The following DIDO1 variants were observed in gnomAD, a reference collection of about 807,000 sequenced individuals.
The protein encoded by DIDO1 is death inducer-obliterator 1.
Under a neutral mutation model 99.4 loss-of-function variants are expected in DIDO1, and 16 were observed. That is an observed-to-expected ratio of 0.16 (90% CI 0.11 to 0.24). The LOEUF is 0.24. Among genes scored for constraint, DIDO1 ranks in the 10% least tolerant of loss-of-function variants. DIDO1 has a pLI of 1.00. For missense variants in DIDO1, 2,996 were observed against 3,014.0 expected (o/e 0.99, Z 0.14); for synonymous variants, 1,366 against 1,239.1 (o/e 1.10, Z -2.15).
chr20:62,901,090 C>T (rs374178908), intron 6 of DIDO1, among the ~76,000 whole-genome samples: 8 of 152,210 alleles, frequency 5.3e-5, no homozygotes, highest in African/African-American at 7.2e-5. Context: ...CACATGAATT[C>T]GCCTTTTATA....
chr20:62,894,865 G>A lies in DIDO1; in HGVS notation c.2381C>T (p.Pro794Leu). Residue 794 changes from proline to leucine, a missense_variant, in exon 10 of 16, where the codon CCC (proline) becomes CTC (leucine). By Grantham distance (98) the Pro-to-Leu change is moderately conservative. Transcript: ENST00000395343. The surrounding 1 kb of genome is among the most constrained non-coding windows in gnomAD (Gnocchi z 4.4). The part of the protein sequence containing the change: ...KLHNESKKTA[P>L]RQEAIPDLED... ...CAGATCGGGGATGGCCTCCTGCCTG[G>A]GGGCCGTCTTCTTGCTTTCATTGTG... is the stretch of plus-strand genomic sequence containing the variant. 3 of 1,614,106 alleles carry A rather than the reference G, an allele frequency of 1.9e-6. No individual in the cohort carries two copies. Among genetic ancestry groups the A allele is most frequent in the Non-Finnish European group, 2.5e-6 (3 of 1,180,028 alleles).
At chr20:62,893,212 G>A (rs35559722) in intron 12 of DIDO1, among the ~76,000 whole-genome samples, 15,451 of 152,178 alleles carry the variant, frequency 0.1, 1,047 homozygotes, top group East Asian at 0.2. Flanking sequence ...TTTTTGTAGA[G>A]ATGGAGTTTT....
chr20:62,878,888 T>G lies in DIDO1; in HGVS notation c.*345A>C. 3 of 188,242 alleles carry G rather than the reference T, an allele frequency of 1.6e-5. No homozygotes were observed. Among genetic ancestry groups the G allele is most frequent in the Non-Finnish European group, 2.2e-5 (2 of 92,680 alleles). 11.7% of individuals were successfully genotyped at this position (188,242 alleles called of 1,614,324 possible). A position where few individuals can be genotyped will look rare whatever the true frequency, so the allele number is the denominator to read the frequency against. ...AGCAGCTTTTGGAAACACAAACGGA[T>G]GAGATGTCAGTGAAGGTATGGCTCT... is the stretch of plus-strand genomic sequence containing the variant. On this transcript the variant is annotated 3_prime_UTR_variant, in exon 16 of 16. Coordinates refer to ENST00000395343, the MANE Select transcript of DIDO1 (RefSeq NM_001193369.2).
Position 62,878,181 on chromosome 20 carries a change from T to G in DIDO1, c.*1052A>C, listed in dbSNP as rs1233168161. The G allele has an allele frequency of 6.6e-6, 1 of 152,250 alleles. No homozygotes were observed. Among genetic ancestry groups the G allele is most frequent in the East Asian group, 1.9e-4 (1 of 5,208 alleles). The allele number at this position is 152,250 out of a possible 1,614,324, so 9.4% of individuals were successfully genotyped here. ...AAGTTTATGAAAATATAAAAAATTA[T>G]CAAAGTGTATTTGTACAAATAAATT... On this transcript the variant is annotated 3_prime_UTR_variant, in exon 16 of 16. Coordinates refer to ENST00000395343, the MANE Select transcript of DIDO1 (RefSeq NM_001193369.2).
intron 15 of DIDO1, chr20:62,890,363 G>A: frequency 2.0e-6 from 2 of 986,678 alleles, no homozygotes; most frequent in African/African-American, 1.7e-5. Flanking sequence ...CCTTGACAAA[G>A]ATGTATTTTA....
At chr20:62,928,595 G>C (rs1477366027), upstream of DIDO1, 1 of 152,214 alleles carries the variant, frequency 6.6e-6, no homozygotes, top group Non-Finnish European at 1.5e-5. Context: ...CTGGGTATTT[G>C]AATTTGAACT....
rs1363923474 is a variant in DIDO1, at chr20:62,894,865, G to C, written c.2381C>G (p.Pro794Arg). 2 of 1,614,106 alleles carry C rather than the reference G, an allele frequency of 1.2e-6. No individual in the cohort carries two copies. The change falls in exon 10 of 16, where the codon CCC (proline) becomes CGC (arginine). Residue 794 changes from proline (P) to arginine (R), a missense_variant. Around this residue, in one of 5 missense-constraint regions of DIDO1, gnomAD observed 898 missense variants for 972.7 expected, o/e 0.92. Coordinates refer to ENST00000395343, the MANE Select transcript of DIDO1 (RefSeq NM_001193369.2). This position sits in a 1 kb window ranked among gnomAD's most constrained non-coding sequence, Gnocchi z 4.4. ...CAGATCGGGGATGGCCTCCTGCCTGGGGGCCGTCTTCTTGCTTTCATTGTG... is the reference window on the plus strand; with the variant it reads ...CAGATCGGGGATGGCCTCCTGCCTGCGGGCCGTCTTCTTGCTTTCATTGTG... Reference protein sequence around the residue: ...KLHNESKKTAPRQEAIPDLED... With the variant: ...KLHNESKKTARRQEAIPDLED...
At chr20:62,908,153 AT>A (rs1004782656) in intron 4 of DIDO1, among the ~76,000 whole-genome samples, 2 of 151,604 alleles carry the variant, frequency 1.3e-5, no homozygotes, top group Non-Finnish European at 2.9e-5. Flanking sequence ...CTCATTATTT[AT>A]TTTTTTGTAG....
At chr20:62,907,589 G>A (rs983598312) in intron 4 of DIDO1, among the ~76,000 whole-genome samples, 1 of 152,244 alleles carries the variant, frequency 6.6e-6, no homozygotes, top group Non-Finnish European at 1.5e-5. Flanking sequence ...GGAGTGTGAG[G>A]AGACCCCTGG....
At position 62,879,604 on chromosome 20, in the gene DIDO1, C is replaced by T. The variant is rs747678975; in HGVS notation, c.6352G>A (p.Glu2118Lys). ...TCTCGGCTCCAGTTTCGGCCGCGCT[C>T]GCGCTCTCTCCTCCTGTCCTCGGAC... ...RASEDRRRERERGRNWSRERD... is the reference protein window; with the variant it reads ...RASEDRRRERKRGRNWSRERD... The change falls in exon 16 of 16, where the codon GAG (glutamate) becomes AAG (lysine). Residue 2118 changes from glutamate to lysine, a missense_variant. Glu to Lys is a moderately conservative substitution (Grantham distance 56). Around this residue, in one of 5 missense-constraint regions of DIDO1, gnomAD observed 1,562 missense variants for 1,412.6 expected, o/e 1.11. Coordinates refer to ENST00000395343, the MANE Select transcript of DIDO1 (RefSeq NM_001193369.2). This position sits in a 1 kb window ranked among gnomAD's most constrained non-coding sequence, Gnocchi z 6.3. The T allele has an allele frequency of 5.0e-6, 8 of 1,603,900 alleles. No individual in the cohort carries two copies. The highest frequency in any genetic ancestry group is 2.7e-5 in the African/African-American group (2 of 74,906).
chr20:62,880,302 G>C lies in DIDO1; in HGVS notation c.5654C>G (p.Ala1885Gly). 6 of 1,612,772 alleles carry C rather than the reference G, an allele frequency of 3.7e-6. No homozygotes were observed. Among genetic ancestry groups the C allele is most frequent in the Non-Finnish European group, 4.2e-6 (5 of 1,179,966 alleles). ...QAPFLGSRGG[A>G]PFQFGGQRRP... ...TCTCTGGCCTCCGAACTGGAAAGGC[G>C]CGCCGCCTCTGCTTCCCAGAAATGG... Residue 1885 changes from alanine to glycine, a missense_variant, in exon 16 of 16, where the codon GCG becomes GGG. Ala to Gly is a moderately conservative substitution (Grantham distance 60). This residue lies in a region of DIDO1 where 1,562 missense variants were observed against 1,412.6 expected (regional missense o/e 1.11). Coordinates refer to ENST00000395343, the MANE Select transcript of DIDO1 (RefSeq NM_001193369.2).
At chr20:62,924,930 G>C (rs2065224716) in intron 1 of DIDO1, among the ~76,000 whole-genome samples, 1 of 152,204 alleles carries the variant, frequency 6.6e-6, no homozygotes, top group African/African-American at 2.4e-5. Context: ...GGTATCTTAT[G>C]AAACTTGCTG....
At chr20:62,882,915 C>CTTTTTTTTTTTTTT (rs10583836) in intron 15 of DIDO1, among the ~76,000 whole-genome samples, 1 of 81,382 alleles carries the variant, frequency 1.2e-5, no homozygotes, top group Non-Finnish European at 2.1e-5. Context: ...AACAAACAGC[C>CTTTTTTTTTTTTTT]TTTTTTTTTT....
chr20:62,936,423 C>T (rs983302873), intron 1 of DIDO1, among the ~76,000 whole-genome samples: 2 of 151,588 alleles, frequency 1.3e-5, no homozygotes, highest in Non-Finnish European at 2.9e-5. Flanking sequence ...GGCGTGGTGG[C>T]GGGTGCCTGT....
At chr20:62,901,291 G>A (rs367816440) in intron 6 of DIDO1, among the ~76,000 whole-genome samples, 7 of 152,094 alleles carry the variant, frequency 4.6e-5, no homozygotes, top group East Asian at 1.9e-4. Flanking sequence ...ACTAATACCC[G>A]CTACTTGAGT....
chr20:62,922,087 C>T (rs2065155643), intron 1 of DIDO1, among the ~76,000 whole-genome samples: 1 of 139,064 alleles, frequency 7.2e-6, no homozygotes, highest in African/African-American at 2.8e-5. Context: ...TATATACACA[C>T]TATATATACA....
chr20:62,895,281 G>T (rs1340138219), intron 8 of DIDO1, 116 bp from the exon 9 acceptor site: 5 of 910,736 alleles, frequency 5.5e-6, no homozygotes, highest in Non-Finnish European at 8.6e-6. Flanking sequence ...AAGGCCCTCA[G>T]GGCCCACTTG....
At chr20:62,927,278 A>G (rs1285064629), upstream of DIDO1, among the ~76,000 whole-genome samples, 1 of 152,220 alleles carries the variant, frequency 6.6e-6, no homozygotes, top group Non-Finnish European at 1.5e-5. Context: ...ACGCATGGAC[A>G]TGTTTGCCCA....
Position 62,897,008 on chromosome 20 carries a change from A to T in DIDO1, c.1589-12T>A, listed in dbSNP as rs2064549690. On this transcript the variant is annotated splice_polypyrimidine_tract_variant and intron_variant, in intron 6 of 15. Transcript: ENST00000395343. ...GTCTTCCTTCGTGGCTACAAAGAAG[A>T]ACACAGGCGCTGAGTAAGGGAGGAC... is the stretch of plus-strand genomic sequence containing the variant. 3.7e-6 allele frequency: 6 copies of T among 1,604,252 alleles called. No individual in the cohort carries two copies. The highest frequency in any genetic ancestry group is 5.1e-6 in the Non-Finnish European group (6 of 1,175,182).
Sources: gnomAD v4.1 joint callset for allele counts (sites outside exome capture counted in the v4.1 genomes callset) on GRCh38, gnomAD v4.1.1 for gene constraint, gnomAD v4.1.1 regional missense constraint, Gnocchi (gnomAD v3.1) non-coding constraint, MANE v1.5 for transcripts, NCBI Gene and HGNC (gene_info 2026-07-23, HGNC 2026-07-21) for gene names.